Variants in SORCS3 observed in about 807,000 individuals in gnomAD.
The protein encoded by SORCS3 is sortilin related VPS10 domain containing receptor 3.
SORCS3 carries 57 observed loss-of-function variants against 146.3 expected under a neutral mutation model. The ratio of observed to expected loss-of-function variants is 0.39; its 90% CI spans 0.31 to 0.49. SORCS3 has a LOEUF of 0.49. SORCS3 is among the 20% of genes least tolerant of loss of function. The probability of loss-of-function intolerance (pLI) is 0.92; values close to 1 mark genes in which losing one functional copy is unlikely to be tolerated. For missense variants in SORCS3, 1,341 were observed against 1,575.5 expected (o/e 0.85, Z 2.52); for synonymous variants, 653 against 618.5 (o/e 1.06, Z -0.83).
intron 14 of SORCS3, among the ~76,000 whole-genome samples, chr10:105,190,430 G>C (rs927145637): frequency 1.3e-5 from 2 of 152,156 alleles, no homozygotes; most frequent in African/African-American, 4.8e-5. Flanking sequence ...TTTTGAGACG[G>C]AGTCTCGCTC....
intron 2 of SORCS3, among the ~76,000 whole-genome samples, chr10:104,862,118 A>C (rs927809333): frequency 4.6e-5 from 7 of 152,174 alleles, no homozygotes; most frequent in African/African-American, 1.2e-4. Flanking sequence ...CAACAGGTGA[A>C]TTTTGAGGGG....
intron 1 of SORCS3, among the ~76,000 whole-genome samples, chr10:104,803,775 C>G (rs1039083122): frequency 1.3e-5 from 2 of 152,144 alleles, no homozygotes; most frequent in African/African-American, 2.4e-5. Flanking sequence ...TTTTTTACTT[C>G]TGGGTTCTCA....
intron 1 of SORCS3, among the ~76,000 whole-genome samples, chr10:104,742,289 T>A (rs536340306): frequency 1.3e-5 from 2 of 152,228 alleles, no homozygotes; most frequent in Non-Finnish European, 2.9e-5. Flanking sequence ...AGAAAAGATG[T>A]GCAAAGTTTT....
intron 1 of SORCS3, among the ~76,000 whole-genome samples, chr10:104,748,079 G>A (rs989078942): frequency 2.0e-5 from 3 of 152,236 alleles, no homozygotes; most frequent in African/African-American, 7.2e-5. Context: ...TATTGGCTAA[G>A]TTTGTCATGA....
chr10:104,727,691 T>C (rs1424383629), intron 1 of SORCS3, among the ~76,000 whole-genome samples: 1 of 152,068 alleles, frequency 6.6e-6, no homozygotes, highest in Admixed American at 6.6e-5. Flanking sequence ...TAGACCAGTA[T>C]CAGTCCGTGG....
chr10:104,958,164 G>A (rs1205537226), intron 3 of SORCS3, among the ~76,000 whole-genome samples: 3 of 152,096 alleles, frequency 2.0e-5, no homozygotes, highest in Admixed American at 2.0e-4. Context: ...CCTTTGCTAT[G>A]TCACCAATAC....
At chr10:105,141,749 A>C (rs533951830) in intron 8 of SORCS3, among the ~76,000 whole-genome samples, 1 of 152,190 alleles carries the variant, frequency 6.6e-6, no homozygotes, top group Admixed American at 6.5e-5. Flanking sequence ...ACAGGCATGA[A>C]AAGCACACAG....
intron 14 of SORCS3, among the ~76,000 whole-genome samples, chr10:105,198,730 A>G (rs1277431942): frequency 2.0e-5 from 3 of 152,194 alleles, no homozygotes; most frequent in Non-Finnish European, 4.4e-5. Context: ...TGCTGAGCTT[A>G]GATCCACACA....
chr10:105,142,493 T>A (rs573293854), intron 8 of SORCS3, among the ~76,000 whole-genome samples: 1 of 152,328 alleles, frequency 6.6e-6, no homozygotes, highest in South Asian at 2.1e-4. Context: ...TTGCTCAAAC[T>A]TAAAACCAGC....
intron 20 of SORCS3, among the ~76,000 whole-genome samples, chr10:105,237,936 T>C (rs1384013102): frequency 6.6e-6 from 1 of 152,204 alleles, no homozygotes; most frequent in Non-Finnish European, 1.5e-5. Flanking sequence ...AATTAAATCA[T>C]CCTACTGATA....
chr10:104,989,784 A>G (rs541837821), intron 4 of SORCS3, among the ~76,000 whole-genome samples: 7 of 152,312 alleles, frequency 4.6e-5, no homozygotes, highest in African/African-American at 1.7e-4. Context: ...GAGGAGGCAC[A>G]ATGGGCTGTA....
intron 1 of SORCS3, among the ~76,000 whole-genome samples, chr10:104,660,249 G>T (rs1313117837): frequency 6.6e-6 from 1 of 152,182 alleles, no homozygotes; most frequent in Non-Finnish European, 1.5e-5. Flanking sequence ...TACCAAGGTG[G>T]CTTCCTGAAA....
intron 2 of SORCS3, 106 bp from the exon 3 acceptor site, chr10:104,915,727 G>T: frequency 3.4e-6 from 3 of 876,140 alleles, no homozygotes; most frequent in East Asian, 2.5e-5. Flanking sequence ...CATATGATTC[G>T]GGAAGAAAGG....
rs138688123 is a variant in SORCS3, at chr10:104,840,000, C to A, written c.628-2792C>A. Among the ~76,000 whole-genome samples, 453 of 152,272 alleles carry A rather than the reference C, an allele frequency of 3.0e-3. 2 individuals carry two copies. Among genetic ancestry groups the A allele is most frequent in the South Asian group, 0.019 (93 of 4,824 alleles). ...TTAGGAGATCTTAGCATCAATGTCA[C>A]CCATCAAGGAGTCCTGTCACCCAGG... On this transcript the variant is annotated intron_variant, in intron 1 of 26. Transcript: ENST00000369701.
chr10:105,119,032 GA>G (rs2055912606), intron 7 of SORCS3, among the ~76,000 whole-genome samples: 1 of 152,184 alleles, frequency 6.6e-6, no homozygotes, highest in Admixed American at 6.5e-5. Context: ...GGTCATCACA[GA>G]AGCCCCTCTC....
intron 1 of SORCS3, among the ~76,000 whole-genome samples, chr10:104,815,189 G>A (rs1284453358): frequency 6.6e-6 from 1 of 152,160 alleles, no homozygotes; most frequent in African/African-American, 2.4e-5. Flanking sequence ...GCCAGGTGCG[G>A]TGGCTGATGC....
At chr10:105,117,358 T>C (rs976348689) in intron 7 of SORCS3, among the ~76,000 whole-genome samples, 3 of 152,180 alleles carry the variant, frequency 2.0e-5, no homozygotes, top group Non-Finnish European at 2.9e-5. Flanking sequence ...CTCTCAAATA[T>C]TTCTTGGATC....
At chr10:104,721,885 G>A (rs1240166973) in intron 1 of SORCS3, among the ~76,000 whole-genome samples, 1 of 152,178 alleles carries the variant, frequency 6.6e-6, no homozygotes, top group East Asian at 1.9e-4. Flanking sequence ...GGGCTGAGAT[G>A]ATGGGGTTTT....
chr10:104,889,450 T>C (rs2018726202), intron 2 of SORCS3, among the ~76,000 whole-genome samples: 1 of 124,522 alleles, frequency 8.0e-6, no homozygotes, highest in South Asian at 2.5e-4. Flanking sequence ...TCCTTTTGGA[T>C]GGTATTTTTT....
Sources: allele counts gnomAD v4.1 joint callset (sites outside exome capture counted in the v4.1 genomes callset), GRCh38; gene constraint gnomAD v4.1.1; transcripts MANE v1.5; gene names NCBI Gene and HGNC (gene_info 2026-07-23, HGNC 2026-07-21).